The following FBXW7 variants were observed in gnomAD, a reference collection of about 807,000 sequenced individuals.
FBXW7 encodes F-box/WD repeat-containing protein 7.
A neutral mutation model predicts 86.3 loss-of-function variants in FBXW7; 11 were observed. The ratio of observed to expected loss-of-function variants is 0.13; its 90% CI spans 0.08 to 0.21. The LOEUF (loss-of-function observed/expected upper bound fraction) is 0.21, where lower values mean the gene tolerates loss of function less well. Ranked by LOEUF, FBXW7 falls within the 10% of genes least tolerant of loss-of-function variation. The probability of loss-of-function intolerance (pLI) is 1.00; values close to 1 mark genes in which losing one functional copy is unlikely to be tolerated. For synonymous variants in FBXW7, 313 were observed against 297.9 expected (o/e 1.05, Z -0.52); for missense variants, 488 against 847.4 (o/e 0.58, Z 5.27).
chr4:152,391,600 C>T (rs762877738), intron 4 of FBXW7, among the ~76,000 whole-genome samples: 17 of 152,072 alleles, frequency 1.1e-4, no homozygotes, highest in Non-Finnish European at 2.2e-4. Flanking sequence ...TTAGAAAATA[C>T]GTACGCATTG....
chr4:152,477,082 C>T (rs1165242103), intron 2 of FBXW7, among the ~76,000 whole-genome samples: 1 of 151,758 alleles, frequency 6.6e-6, no homozygotes. Context: ...AGCTAATACT[C>T]TGGTCACTGC....
At chr4:152,387,425 T>C (rs952312419) in intron 4 of FBXW7, among the ~76,000 whole-genome samples, 1 of 152,172 alleles carries the variant, frequency 6.6e-6, no homozygotes, top group Non-Finnish European at 1.5e-5. Context: ...AAATCAGTTT[T>C]TAGTCTTCCT....
chr4:152,483,221 AT>A (rs912314940), intron 2 of FBXW7, among the ~76,000 whole-genome samples: 3 of 151,940 alleles, frequency 2.0e-5, no homozygotes, highest in African/African-American at 7.3e-5. Context: ...TTCATAACCC[AT>A]TTTTTCAATT....
At chr4:152,505,193 C>T (rs546175708) in intron 2 of FBXW7, among the ~76,000 whole-genome samples, 35 of 152,090 alleles carry the variant, frequency 2.3e-4, no homozygotes, top group African/African-American at 5.8e-4. Flanking sequence ...AAATGTAAAA[C>T]GGTGCATCTG....
intron 12 of FBXW7, 89 bp from the exon 13 acceptor site, chr4:152,324,483 G>T: frequency 1.8e-6 from 2 of 1,083,290 alleles, no homozygotes; most frequent in Admixed American, 2.2e-5. Context: ...GGGGGAAGAG[G>T]ATGGGAAACA....
rs2126877901 is a variant in FBXW7 at position 152,411,427 on chromosome 4, T to C, written c.377A>G (p.Asp126Gly). ...TTCTCTGCTACTATCATCAGACTGA[T>C]CAAAATCGTCACTCTCCTGGTCCAT... ...EEMDQESDDF[D>G]QSDDSSREDE... The change falls in exon 4 of 14, where the codon GAT (aspartate) becomes GGT (glycine). Residue 126 changes from aspartate to glycine, a missense_variant. Asp to Gly is a moderately conservative substitution (Grantham distance 94). This residue lies in a region of FBXW7 where 230 missense variants were observed against 240.0 expected (regional missense o/e 0.96). Transcript: ENST00000281708. 1 of 1,613,616 alleles carries C rather than the reference T, an allele frequency of 6.2e-7. No individual in the cohort carries two copies. Among genetic ancestry groups the C allele is most frequent in the Non-Finnish European group, 8.5e-7 (1 of 1,179,854 alleles).
chr4:152,468,939 A>T (rs1036424607), intron 2 of FBXW7, among the ~76,000 whole-genome samples: 2 of 152,068 alleles, frequency 1.3e-5, no homozygotes, highest in Non-Finnish European at 2.9e-5. Context: ...TGTTTAAGAG[A>T]TCTCTGTGGC....
rs942600775 is a variant in FBXW7, at chr4:152,327,868, C to T, written c.1418+340G>A. The stretch of plus-strand genomic sequence containing the variant: ...TTGAAGCCTGAATTTGTCCCACTTG[C>T]GGAAATAAGAATATCAAAAAAAGAG... On this transcript the variant is annotated intron_variant, in intron 11 of 13. Coordinates refer to ENST00000281708, the MANE Select transcript of FBXW7 (RefSeq NM_001349798.2). 2.0e-5 allele frequency among the ~76,000 whole-genome samples: 3 copies of T among 151,534 alleles called. 1 individual carries two copies. Among genetic ancestry groups the T allele is most frequent in the Admixed American group, 6.6e-5 (1 of 15,172 alleles).
At chr4:152,452,882 G>C (rs1434826364) in intron 2 of FBXW7, among the ~76,000 whole-genome samples, 1 of 152,132 alleles carries the variant, frequency 6.6e-6, no homozygotes, top group East Asian at 1.9e-4. Context: ...AGAACTTACA[G>C]TATAAAAACT....
chr4:152,462,629 C>T (rs1743052872), intron 2 of FBXW7, among the ~76,000 whole-genome samples: 1 of 152,184 alleles, frequency 6.6e-6, no homozygotes, highest in African/African-American at 2.4e-5. Context: ...CATACAATTA[C>T]ACATTGCAGT....
At chr4:152,337,446 A>T (rs1441423682) in intron 7 of FBXW7, among the ~76,000 whole-genome samples, 1 of 151,978 alleles carries the variant, frequency 6.6e-6, no homozygotes, top group African/African-American at 2.4e-5. Context: ...TCAGAATTTT[A>T]AAAAATCTAC....
chr4:152,425,782 T>C (rs1739327473), intron 2 of FBXW7, among the ~76,000 whole-genome samples: 1 of 152,130 alleles, frequency 6.6e-6, no homozygotes, highest in Admixed American at 6.5e-5. Context: ...CTGGCACAGG[T>C]GCTGAAGGCA....
intron 8 of FBXW7, among the ~76,000 whole-genome samples, chr4:152,331,076 T>C (rs1729524777): frequency 6.6e-6 from 1 of 152,072 alleles, no homozygotes; most frequent in African/African-American, 2.4e-5. Flanking sequence ...TTGTATTCAC[T>C]ATTTCATTTC....
At chr4:152,361,825 G>A (rs1028735187) in intron 4 of FBXW7, among the ~76,000 whole-genome samples, 2 of 151,938 alleles carry the variant, frequency 1.3e-5, no homozygotes, top group Non-Finnish European at 2.9e-5. Context: ...AATTAGCCGG[G>A]TATGGTGGTG....
At chr4:152,390,992 G>A (rs1197047157) in intron 4 of FBXW7, among the ~76,000 whole-genome samples, 1 of 152,030 alleles carries the variant, frequency 6.6e-6, no homozygotes, top group Non-Finnish European at 1.5e-5. Flanking sequence ...ATCTGAAGGA[G>A]TGCTGGTGCT....
chr4:152,494,468 A>G (rs1172433242), intron 2 of FBXW7, among the ~76,000 whole-genome samples: 1 of 152,228 alleles, frequency 6.6e-6, no homozygotes, highest in Non-Finnish European at 1.5e-5. Flanking sequence ...TCATGAATTT[A>G]TAATTTTTTT....
Position 152,332,606 on chromosome 4 carries a change from G to A in FBXW7, c.975C>T (p.Cys325=), listed in dbSNP as rs763029116. 2.5e-6 allele frequency: 4 copies of A among 1,600,668 alleles called. No individual in the cohort carries two copies. ...AEDNLLWREK[C]KEEGIDEPLH... is the part of the protein sequence containing the mutation. ...AATTTTGAACCTTACCCTCTTCTTT[G>A]CATTTCTCTCTCCAGAGAAGGTTGT... The change falls in exon 8 of 14, where the codon TGC becomes TGT. Residue 325 remains cysteine (C), a synonymous_variant. Coordinates refer to ENST00000281708, the MANE Select transcript of FBXW7 (RefSeq NM_001349798.2).
At chr4:152,504,733 C>G (rs561798417) in intron 2 of FBXW7, among the ~76,000 whole-genome samples, 1 of 152,098 alleles carries the variant, frequency 6.6e-6, no homozygotes, top group Non-Finnish European at 1.5e-5. Flanking sequence ...TCAATTACTT[C>G]CGGTAAAAAG....
chr4:152,423,728 C>G (rs1739140774), intron 2 of FBXW7, among the ~76,000 whole-genome samples: 1 of 151,830 alleles, frequency 6.6e-6, no homozygotes, highest in Non-Finnish European at 1.5e-5. Flanking sequence ...ACAAAACAGA[C>G]AGAGTATAAA....
Sources: gnomAD v4.1 joint callset for allele counts (sites outside exome capture counted in the v4.1 genomes callset) on GRCh38, gnomAD v4.1.1 for gene constraint, gnomAD v4.1.1 regional missense constraint, MANE v1.5 for transcripts, NCBI Gene and HGNC (gene_info 2026-07-23, HGNC 2026-07-21) for gene names.